Variants in GRID2 observed in about 807,000 individuals in gnomAD.
The protein encoded by GRID2 is glutamate receptor ionotropic, delta-2.
In GRID2, 33 loss-of-function variants were observed where a neutral mutation model predicts 114.8. The ratio of observed to expected loss-of-function variants is 0.29; its 90% confidence interval spans 0.22 to 0.38. GRID2 has a LOEUF of 0.38. GRID2 is among the 10% of genes least tolerant of loss of function. The pLI is 1.00. For missense variants in GRID2, 1,184 were observed against 1,257.7 expected, an observed-to-expected ratio of 0.94 and a Z score of 0.89; for synonymous variants, 505 against 449.9, an observed-to-expected ratio of 1.12 and a Z score of -1.55.
Position 93,124,329 on chromosome 4 carries a change from C to T in GRID2, c.735+13376C>T, listed in dbSNP as rs146110038. ...GCTCCTACTCTATGACATAAGAAGC[C>T]AGGAGAATAGTGAGCTCATGCATTC... On this transcript the variant is annotated intron_variant, in intron 4 of 15. Coordinates refer to ENST00000282020, the MANE Select transcript of GRID2 (RefSeq NM_001510.4). Among the ~76,000 whole-genome samples the T allele has an allele frequency of 4.6e-5, 7 of 152,092 alleles. No homozygotes were observed. The East Asian group carries it at 7.7e-4, about 17-fold the overall frequency.
intron 7 of GRID2, among the ~76,000 whole-genome samples, chr4:93,237,062 T>C (rs1374305830): frequency 6.6e-6 from 1 of 151,956 alleles, no homozygotes; most frequent in African/African-American, 2.4e-5. Flanking sequence ...ATCTAGTGTT[T>C]GAGGCATAAA....
chr4:92,408,431 C>CTTTTTTTTTTT (rs35638036), intron 1 of GRID2, among the ~76,000 whole-genome samples: 7 of 19,426 alleles, frequency 3.6e-4, no homozygotes, highest in Non-Finnish European at 5.7e-4. Flanking sequence ...TATTCAAGCT[C>CTTTTTTTTTTT]TTTTTTTTTT....
intron 3 of GRID2, among the ~76,000 whole-genome samples, chr4:93,090,597 A>C (rs1360313542): frequency 6.6e-6 from 1 of 152,192 alleles, no homozygotes; most frequent in Non-Finnish European, 1.5e-5. Context: ...ATATTGCTCC[A>C]TGTAGCTCCC....
chr4:93,360,193 A>G (rs1305942399), intron 8 of GRID2, among the ~76,000 whole-genome samples: 1 of 151,932 alleles, frequency 6.6e-6, no homozygotes, highest in African/African-American at 2.4e-5. Flanking sequence ...CATTTTACCA[A>G]TGTTTTAAAA....
At chr4:92,916,967 A>G (rs554222800) in intron 2 of GRID2, among the ~76,000 whole-genome samples, 147 of 152,294 alleles carry the variant, frequency 9.7e-4, no homozygotes, top group Non-Finnish European at 2.0e-3. Context: ...GAACTAGTTA[A>G]CAGTCCCACC....
At chr4:92,440,076 A>C (rs1732962345) in intron 1 of GRID2, among the ~76,000 whole-genome samples, 1 of 146,508 alleles carries the variant, frequency 6.8e-6, no homozygotes, top group East Asian at 2.0e-4. Context: ...TGTACCCTGT[A>C]GCATTCCGAG....
intron 10 of GRID2, among the ~76,000 whole-genome samples, chr4:93,446,786 C>T (rs1282728561): frequency 1.3e-5 from 2 of 151,878 alleles, no homozygotes; most frequent in Non-Finnish European, 2.9e-5. Flanking sequence ...CTGTAAGTTA[C>T]TTATGAATCA....
chr4:92,958,126 A>G (rs1382708486), intron 2 of GRID2, among the ~76,000 whole-genome samples: 1 of 152,076 alleles, frequency 6.6e-6, no homozygotes, highest in African/African-American at 2.4e-5. Context: ...CTTCTACACC[A>G]GTAAGTATAC....
chr4:93,509,021 T>C (rs749500724), intron 12 of GRID2, among the ~76,000 whole-genome samples: 1 of 152,148 alleles, frequency 6.6e-6, no homozygotes, highest in Non-Finnish European at 1.5e-5. Context: ...AGAATGGAAA[T>C]AGAAAAGGCT....
chr4:92,652,657 A>C lies in GRID2; in HGVS notation c.244+62371A>C, dbSNP rs1300946060. Among the ~76,000 whole-genome samples, 9 of 133,872 alleles carry C rather than the reference A, an allele frequency of 6.7e-5. 1 individual carries two copies. The East Asian group carries it at 2.2e-3, about 33-fold the overall frequency. 87.8% of individuals were successfully genotyped at this position (133,872 alleles called of 152,430 possible). Reference sequence around the variant, plus strand: ...TCATTCCCTCCAAACTGAGTGACAGAGTGGAACACTGTCTTAAAAATATGT... The same window carrying C: ...TCATTCCCTCCAAACTGAGTGACAGCGTGGAACACTGTCTTAAAAATATGT... On this transcript the variant is annotated intron_variant, in intron 2 of 15. Transcript: ENST00000282020.
At chr4:93,484,888 C>A (rs1025703212) in intron 11 of GRID2, among the ~76,000 whole-genome samples, 8 of 151,858 alleles carry the variant, frequency 5.3e-5, no homozygotes, top group African/African-American at 1.9e-4. Context: ...TATGACAATG[C>A]TTCTACAAAC....
chr4:92,331,685 T>C lies in GRID2; in HGVS notation c.88+26941T>C, dbSNP rs73839286. Among the ~76,000 whole-genome samples the C allele has an allele frequency of 7.0e-3, 1,062 of 152,318 alleles. 9 individuals carry two copies. Among genetic ancestry groups the C allele is most frequent in the African/African-American group, 0.025 (1,022 of 41,578 alleles). On this transcript the variant is annotated intron_variant, in intron 1 of 15. Coordinates refer to ENST00000282020, the MANE Select transcript of GRID2 (RefSeq NM_001510.4). ...GCTACTGTTTAGAGAGCAGACCCTA[T>C]TGAGCCAGACAATTTTTTTAAAATC...
intron 2 of GRID2, among the ~76,000 whole-genome samples, chr4:92,769,545 A>T (rs1738437137): frequency 6.6e-6 from 1 of 152,168 alleles, no homozygotes; most frequent in South Asian, 2.1e-4. Context: ...GAGGTTCTCC[A>T]TGAGAGCACC....
At chr4:92,347,597 T>C (rs1200578215) in intron 1 of GRID2, among the ~76,000 whole-genome samples, 2 of 151,784 alleles carry the variant, frequency 1.3e-5, no homozygotes, top group African/African-American at 2.4e-5. Flanking sequence ...GATTCTATTA[T>C]ATATTTGCCA....
chr4:93,777,507 T>C (rs1734391716), downstream of GRID2, among the ~76,000 whole-genome samples: 1 of 152,196 alleles, frequency 6.6e-6, no homozygotes, highest in African/African-American at 2.4e-5. Flanking sequence ...TATTCAAACA[T>C]ATTACCTACC....
chr4:92,786,482 T>C (rs1221717852), intron 2 of GRID2, among the ~76,000 whole-genome samples: 2 of 151,862 alleles, frequency 1.3e-5, no homozygotes, highest in Non-Finnish European at 2.9e-5. Context: ...CCTAGATATG[T>C]GCTGTCACCA....
intron 1 of GRID2, among the ~76,000 whole-genome samples, chr4:92,327,139 G>A (rs1331823637): frequency 6.6e-6 from 1 of 151,808 alleles, no homozygotes; most frequent in Non-Finnish European, 1.5e-5. Context: ...CTTTTTTGGT[G>A]CTTTACAAAT....
chr4:93,161,607 T>G (rs898500022), intron 4 of GRID2, among the ~76,000 whole-genome samples: 4 of 151,794 alleles, frequency 2.6e-5, no homozygotes, highest in African/African-American at 9.7e-5. Flanking sequence ...TAGACCAGAT[T>G]TTGAAATACT....
intron 1 of GRID2, among the ~76,000 whole-genome samples, chr4:92,552,739 G>C (rs527578947): frequency 6.6e-6 from 1 of 152,298 alleles, no homozygotes; most frequent in Admixed American, 6.5e-5. Flanking sequence ...AGAATGTCCA[G>C]ACGAAGGGAA....
Sources: gnomAD v4.1 joint callset for allele counts (sites outside exome capture counted in the v4.1 genomes callset) on GRCh38, gnomAD v4.1.1 for gene constraint, MANE v1.5 for transcripts, NCBI Gene and HGNC (gene_info 2026-07-23, HGNC 2026-07-21) for gene names.